Variants in YTHDF3 observed in about 807,000 individuals in gnomAD.
YTHDF3 encodes the protein YTH domain-containing family protein 3.
Under a neutral mutation model 52.5 loss-of-function variants are expected in YTHDF3, and 9 were observed. The ratio of observed to expected loss-of-function variants is 0.17; its 90% CI spans 0.10 to 0.30. The LOEUF is 0.30. Ranked by LOEUF, YTHDF3 falls within the 10% of genes least tolerant of loss-of-function variation. The probability of loss-of-function intolerance (pLI) is 1.00; values close to 1 mark genes in which losing one functional copy is unlikely to be tolerated. For missense variants in YTHDF3, 534 were observed against 715.0 expected (o/e 0.75, Z 2.89); for synonymous variants, 274 against 243.3 (o/e 1.13, Z -1.18).
chr8:63,186,043 T>C (rs1563401028), intron 3 of YTHDF3, 104 bp from the exon 4 acceptor site: 10 of 1,222,882 alleles, frequency 8.2e-6, no homozygotes, highest in East Asian at 2.5e-5. Context: ...GGTACATCTT[T>C]TATTTTCATT....
chr8:63,187,118 A>G lies in YTHDF3; in HGVS notation c.1107A>G (p.Gly369=), dbSNP rs1423746206. 5.0e-6 allele frequency: 8 copies of G among 1,613,770 alleles called. No individual in the cohort carries two copies. Among genetic ancestry groups the G allele is most frequent in the Non-Finnish European group, 6.8e-6 (8 of 1,179,848 alleles). ...NRGAGFNQNN[G]AGSENFGLGV... ...GAGCAGGCTTCAACCAGAACAATGG[A>G]GCGGGCAGTGAAAACTTTGGTTTAG... The change falls in exon 4 of 5, where the codon GGA becomes GGG. Residue 369 remains glycine, a synonymous_variant. Coordinates refer to ENST00000539294, the MANE Select transcript of YTHDF3 (RefSeq NM_152758.6).
At chr8:63,189,180 T>C (rs544241787) in intron 4 of YTHDF3, 82 of 152,326 alleles carry the variant, frequency 5.4e-4, no homozygotes, top group African/African-American at 1.9e-3. Flanking sequence ...ATCCTTGTAT[T>C]ATATTGGCCA....
intron 3 of YTHDF3, among the ~76,000 whole-genome samples, chr8:63,180,704 G>T (rs915007251): frequency 2.0e-5 from 3 of 152,272 alleles, no homozygotes; most frequent in African/African-American, 7.2e-5. Flanking sequence ...GAGTGAACCA[G>T]ACTCCGTCTG....
At chr8:63,190,453 C>T (rs1305558455) in intron 4 of YTHDF3, among the ~76,000 whole-genome samples, 2 of 152,208 alleles carry the variant, frequency 1.3e-5, no homozygotes, top group East Asian at 3.9e-4. Flanking sequence ...ATATACACAA[C>T]AGTGATTTAA....
chr8:63,206,567 C>G (rs1810043810), intron 4 of YTHDF3, among the ~76,000 whole-genome samples: 2 of 152,014 alleles, frequency 1.3e-5, no homozygotes, highest in Non-Finnish European at 2.9e-5. Flanking sequence ...TTCTTAGTAA[C>G]TCTACTAAAG....
intron 3 of YTHDF3, among the ~76,000 whole-genome samples, chr8:63,184,672 G>C (rs1218827489): frequency 6.6e-6 from 1 of 152,208 alleles, no homozygotes. Context: ...ATAGTGACAA[G>C]AGTGAAATAG....
intron 4 of YTHDF3, among the ~76,000 whole-genome samples, chr8:63,197,570 G>A (rs1306873294): frequency 6.6e-6 from 1 of 152,140 alleles, no homozygotes; most frequent in Non-Finnish European, 1.5e-5. Flanking sequence ...CATAAGCACA[G>A]CCACTGGAAT....
At chr8:63,198,253 C>T (rs554393487) in intron 4 of YTHDF3, among the ~76,000 whole-genome samples, 1 of 152,032 alleles carries the variant, frequency 6.6e-6, no homozygotes, top group Non-Finnish European at 1.5e-5. Flanking sequence ...TTTTCCCTCC[C>T]CACTCCCCCA....
At chr8:63,197,241 A>C (rs986041819) in intron 4 of YTHDF3, among the ~76,000 whole-genome samples, 1 of 152,234 alleles carries the variant, frequency 6.6e-6, no homozygotes, top group Non-Finnish European at 1.5e-5. Context: ...TTAAGTAGAC[A>C]TTTGTTAAAA....
Position 63,212,402 on chromosome 8 carries a change from A to G in YTHDF3, c.*2696A>G, listed in dbSNP as rs762156891. 3 of 152,062 alleles carry G rather than the reference A, an allele frequency of 2.0e-5. No homozygotes were observed. The highest frequency in any genetic ancestry group is 2.9e-5 in the Non-Finnish European group (2 of 67,974). The allele number at this position is 152,062 out of a possible 1,614,324, so 9.4% of individuals were successfully genotyped here. A position where few individuals can be genotyped will look rare whatever the true frequency, so the allele number is the denominator to read the frequency against. ...GCTGTGTTCTTTTTGAATACCGTGC[A>G]TGGGGGTTAAGCTGATGTTAAAACA... On this transcript the variant is annotated 3_prime_UTR_variant, in exon 5 of 5. Transcript: ENST00000539294.
intron 4 of YTHDF3, among the ~76,000 whole-genome samples, chr8:63,201,962 A>T (rs1196665202): frequency 6.6e-6 from 1 of 152,172 alleles, no homozygotes; most frequent in Non-Finnish European, 1.5e-5. Context: ...TTGTATTCTA[A>T]TCAACCTATG....
chr8:63,178,870 G>A (rs1461609728), intron 3 of YTHDF3, among the ~76,000 whole-genome samples: 2 of 152,158 alleles, frequency 1.3e-5, no homozygotes, highest in Non-Finnish European at 2.9e-5. Flanking sequence ...GTGAAAACTG[G>A]ATTTATTGAT....
At chr8:63,185,879 A>T (rs889168256) in intron 3 of YTHDF3, among the ~76,000 whole-genome samples, 1 of 152,244 alleles carries the variant, frequency 6.6e-6, no homozygotes, top group African/African-American at 2.4e-5. Flanking sequence ...TGGCTCTTCA[A>T]ACAAAAATAA....
chr8:63,184,245 C>T (rs991477997), intron 3 of YTHDF3, among the ~76,000 whole-genome samples: 5 of 152,160 alleles, frequency 3.3e-5, no homozygotes, highest in African/African-American at 1.2e-4. Flanking sequence ...GTAAAATATA[C>T]TTTTAACATC....
chr8:63,169,438 T>C (rs542699679), intron 2 of YTHDF3, 27 bp downstream of exon 2: 21 of 1,571,208 alleles, frequency 1.3e-5, no homozygotes, highest in African/African-American at 1.1e-4. Context: ...TTTTTTCTTA[T>C]TGCTCAATGT....
At chr8:63,208,760 G>A (rs1810195745) in intron 4 of YTHDF3, among the ~76,000 whole-genome samples, 1 of 152,078 alleles carries the variant, frequency 6.6e-6, no homozygotes, top group Non-Finnish European at 1.5e-5. Flanking sequence ...TTTAACTTTT[G>A]TTCAAGTAGT....
At chr8:63,181,998 ACAT>A (rs1292377260) in intron 3 of YTHDF3, among the ~76,000 whole-genome samples, 1 of 152,188 alleles carries the variant, frequency 6.6e-6, no homozygotes, top group Non-Finnish European at 1.5e-5. Flanking sequence ...ATTAGAATGA[ACAT>A]CACTTTTGGT....
intron 4 of YTHDF3, among the ~76,000 whole-genome samples, chr8:63,205,780 G>A (rs1230739533): frequency 6.6e-6 from 1 of 152,144 alleles, no homozygotes; most frequent in Non-Finnish European, 1.5e-5. Flanking sequence ...GTAGCTGATA[G>A]TATGCCCATA....
chr8:63,181,618 ACTCC>A (rs1490819626), intron 3 of YTHDF3, among the ~76,000 whole-genome samples: 4 of 151,712 alleles, frequency 2.6e-5, no homozygotes, highest in Non-Finnish European at 5.9e-5. Context: ...CCAGTTACTT[ACTCC>A]CTCTTCTTTG....
Sources: gnomAD v4.1 joint callset for allele counts (sites outside exome capture counted in the v4.1 genomes callset) on GRCh38, gnomAD v4.1.1 for gene constraint, MANE v1.5 for transcripts, NCBI Gene and HGNC (gene_info 2026-07-23, HGNC 2026-07-21) for gene names.